The following SLC66A2 variants were observed in gnomAD, a reference collection of about 807,000 sequenced individuals.
The protein encoded by SLC66A2 is PQ loop repeat containing 1.
SLC66A2 carries 23 observed loss-of-function variants against 25.5 expected under a neutral mutation model. That is an observed-to-expected ratio of 0.90 (90% CI 0.65 to 1.28). The LOEUF (loss-of-function observed/expected upper bound fraction) is 1.28. Ranked by LOEUF, SLC66A2 falls within the 50% of genes most tolerant of loss-of-function variation. The pLI is 0.00. For synonymous variants in SLC66A2, 193 were observed against 166.5 expected, an observed-to-expected ratio of 1.16 and a Z score of -1.23; for missense variants, 396 against 373.1, an observed-to-expected ratio of 1.06 and a Z score of -0.51.
chr18:79,935,911 AG>A (rs1987038081), intron 3 of SLC66A2, among the ~76,000 whole-genome samples: 1 of 152,228 alleles, frequency 6.6e-6, no homozygotes, highest in Admixed American at 6.5e-5. Context: ...ATTCTTGCCA[AG>A]CTCTGCCCAA....
At chr18:79,912,328 A>C (rs1160375711) in intron 5 of SLC66A2, among the ~76,000 whole-genome samples, 1 of 152,204 alleles carries the variant, frequency 6.6e-6, no homozygotes, top group African/African-American at 2.4e-5. Flanking sequence ...AACGTTAAAC[A>C]ACCAAATGTC....
At chr18:79,923,833 A>G (rs1340434326) in intron 4 of SLC66A2, among the ~76,000 whole-genome samples, 2 of 152,158 alleles carry the variant, frequency 1.3e-5, no homozygotes, top group African/African-American at 4.8e-5. Flanking sequence ...GAATCACTTG[A>G]GTCCAGGAGG....
intron 4 of SLC66A2, among the ~76,000 whole-genome samples, chr18:79,928,126 G>A (rs1161101325): frequency 6.6e-6 from 1 of 152,232 alleles, no homozygotes; most frequent in Non-Finnish European, 1.5e-5. Context: ...AGCCTGAACG[G>A]CTTCTGCCCG....
At chr18:79,923,428 G>A (rs1191679797) in intron 4 of SLC66A2, among the ~76,000 whole-genome samples, 1 of 152,110 alleles carries the variant, frequency 6.6e-6, no homozygotes. Flanking sequence ...GAGGGTTTAA[G>A]AGACTTGGGA....
At position 79,904,164 on chromosome 18, in the gene SLC66A2, A is replaced by G; in HGVS notation, c.628T>C (p.Trp210Arg). 1 of 1,612,874 alleles carries G rather than the reference A, an allele frequency of 6.2e-7. No individual in the cohort carries two copies. Among genetic ancestry groups the G allele is most frequent in the Non-Finnish European group, 8.5e-7 (1 of 1,179,780 alleles). ...EGMSIKMVLM[W>R]TSGDAFKTAY... The stretch of plus-strand genomic sequence containing the variant: ...GTCTTGAAGGCGTCACCACTGGTCC[A>G]CATGAGCACCATCTTGATGCTGTGG... Residue 210 changes from tryptophan (W) to arginine (R), a missense_variant, in exon 6 of 6, where the codon TGG becomes CGG. Physicochemically the swap from Trp to Arg is moderately radical, Grantham distance 101. Transcript: ENST00000397778. This position sits in a 1 kb window ranked among gnomAD's most constrained non-coding sequence, Gnocchi z 6.3.
chr18:79,933,858 TA>T, intron 4 of SLC66A2, 110 bp downstream of exon 4: 1 of 936,206 alleles, frequency 1.1e-6, no homozygotes, highest in Middle Eastern at 2.3e-4. Context: ...CCACGCTTGG[TA>T]AAGATGACGC....
chr18:79,939,319 C>G (rs1457603479), intron 3 of SLC66A2, among the ~76,000 whole-genome samples: 1 of 152,172 alleles, frequency 6.6e-6, no homozygotes, highest in African/African-American at 2.4e-5. Context: ...CCCATGATCC[C>G]CCTTGGCATG....
At chr18:79,912,392 A>G (rs1983366174) in intron 5 of SLC66A2, among the ~76,000 whole-genome samples, 1 of 152,202 alleles carries the variant, frequency 6.6e-6, no homozygotes, top group Non-Finnish European at 1.5e-5. Context: ...TATGGAAGGA[A>G]CATTTTTCAA....
intron 2 of SLC66A2, among the ~76,000 whole-genome samples, chr18:79,948,066 G>A (rs565051044): frequency 6.9e-4 from 105 of 152,334 alleles, no homozygotes; most frequent in Non-Finnish European, 1.3e-3. Context: ...GGGGCCCTGC[G>A]TGTGCACTCA....
In SLC66A2 at chr18:79,950,961, C is replaced by A. The variant is rs1432624043; in HGVS notation, c.-35G>T. 2 of 1,453,354 alleles carry A rather than the reference C, an allele frequency of 1.4e-6. No individual in the cohort carries two copies. Among genetic ancestry groups the A allele is most frequent in the East Asian group, 2.8e-5 (1 of 36,282 alleles). 90.0% of individuals were successfully genotyped at this position (1,453,354 alleles called of 1,614,324 possible). A position where few individuals can be genotyped will look rare whatever the true frequency, so the allele number is the denominator to read the frequency against. On this transcript the variant is annotated 5_prime_UTR_variant, in exon 2 of 6. Coordinates refer to ENST00000397778, the MANE Select transcript of SLC66A2 (RefSeq NM_025078.5). ...CGCCTGGCCGAGGCTGTCACGGGCTCCGCGCCCCGCGGGCCACCGGCCGCC... is the reference window on the plus strand; with the variant it reads ...CGCCTGGCCGAGGCTGTCACGGGCTACGCGCCCCGCGGGCCACCGGCCGCC...
intron 5 of SLC66A2, among the ~76,000 whole-genome samples, chr18:79,909,681 C>G (rs1982680828): frequency 7.3e-6 from 1 of 137,772 alleles, no homozygotes; most frequent in Non-Finnish European, 1.6e-5. Flanking sequence ...CACCATCTCA[C>G]AACAGAGTCC....
chr18:79,913,664 C>G (rs1328098816), intron 5 of SLC66A2, among the ~76,000 whole-genome samples: 2 of 152,180 alleles, frequency 1.3e-5, no homozygotes, highest in Admixed American at 6.5e-5. Flanking sequence ...TGCAAGTACA[C>G]GAGACACAGG....
intron 3 of SLC66A2, 74 bp downstream of exon 3, chr18:79,943,255 A>T: frequency 6.4e-7 from 1 of 1,556,310 alleles, no homozygotes; most frequent in Non-Finnish European, 8.7e-7. Context: ...GACAGATTAG[A>T]GTGGCTTTTG....
At chr18:79,925,411 C>T (rs957647070) in intron 4 of SLC66A2, among the ~76,000 whole-genome samples, 22 of 152,322 alleles carry the variant, frequency 1.4e-4, no homozygotes, top group African/African-American at 2.4e-4. Context: ...CGTGACTTCC[C>T]GAGATGTGTT....
chr18:79,931,839 C>G (rs1453148901), intron 4 of SLC66A2, among the ~76,000 whole-genome samples: 4 of 152,010 alleles, frequency 2.6e-5, no homozygotes, highest in Non-Finnish European at 5.9e-5. Flanking sequence ...ATGGTGAAAA[C>G]CCTGTCTCTA....
intron 2 of SLC66A2, chr18:79,943,986 AAAC>A (rs1987949980): frequency 5.9e-6 from 1 of 169,746 alleles, no homozygotes; most frequent in Admixed American, 6.1e-5. Context: ...AGGAGTTGGC[AAAC>A]ACCACAGTGA....
At chr18:79,948,005 G>A (rs563828549) in intron 2 of SLC66A2, among the ~76,000 whole-genome samples, 23 of 152,184 alleles carry the variant, frequency 1.5e-4, no homozygotes, top group Admixed American at 4.6e-4. Context: ...CAGCAGGAAC[G>A]AGCGCCCTCT....
intron 5 of SLC66A2, among the ~76,000 whole-genome samples, chr18:79,913,551 G>A (rs771054017): frequency 3.9e-5 from 6 of 152,364 alleles, no homozygotes; most frequent in African/African-American, 1.4e-4. Context: ...AAATGCCTCC[G>A]GCAGTTGCTC....
rs202171601 is a variant in SLC66A2 at position 79,949,096 on chromosome 18, C to T, written c.203+1628G>A. On this transcript the variant is annotated intron_variant, in intron 2 of 5. Coordinates refer to ENST00000397778, the MANE Select transcript of SLC66A2 (RefSeq NM_025078.5). Reference sequence around the variant, plus strand: ...CGGACCCAAAATCCTCCTCCGAGGTCGTTGCAGGGGACAAACCTCCCTGCC... The same window carrying T: ...CGGACCCAAAATCCTCCTCCGAGGTTGTTGCAGGGGACAAACCTCCCTGCC... Among the ~76,000 whole-genome samples the T allele has an allele frequency of 9.2e-5, 14 of 152,262 alleles. No individual in the cohort carries two copies. The East Asian group carries it at 2.1e-3, about 23-fold the overall frequency.
Sources: gnomAD v4.1 joint callset for allele counts (sites outside exome capture counted in the v4.1 genomes callset) on GRCh38, gnomAD v4.1.1 for gene constraint, Gnocchi (gnomAD v3.1) non-coding constraint, MANE v1.5 for transcripts, NCBI Gene and HGNC (gene_info 2026-07-23, HGNC 2026-07-21) for gene names.